HS6ST3: variants seen among roughly 807,000 people sequenced by gnomAD.
HS6ST3 encodes the protein heparan sulfate 6-O-sulfotransferase 3.
Under a neutral mutation model 36.7 loss-of-function variants are expected in HS6ST3, and 12 were observed. That is an observed-to-expected ratio of 0.33 (90% CI 0.21 to 0.53). The LOEUF is 0.53. Ranked by LOEUF, HS6ST3 falls within the 20% of genes least tolerant of loss-of-function variation. The pLI is 0.95. For synonymous variants in HS6ST3, 240 were observed against 257.5 expected, an observed-to-expected ratio of 0.93 and a Z score of 0.65; for missense variants, 584 against 640.9, an observed-to-expected ratio of 0.91 and a Z score of 0.96.
At chr13:96,157,146 G>A (rs773015053) in intron 1 of HS6ST3, among the ~76,000 whole-genome samples, 2 of 152,146 alleles carry the variant, frequency 1.3e-5, no homozygotes, top group East Asian at 1.9e-4. Context: ...GTCTTTAATC[G>A]CTAACCTACT....
At chr13:96,229,957 A>G (rs2054499802) in intron 1 of HS6ST3, among the ~76,000 whole-genome samples, 1 of 152,236 alleles carries the variant, frequency 6.6e-6, no homozygotes, top group Admixed American at 6.5e-5. Context: ...AGAAGTAACC[A>G]AGAAGAATAT....
At chr13:96,581,239 A>AT (rs1192646923) in intron 1 of HS6ST3, among the ~76,000 whole-genome samples, 1 of 128,988 alleles carries the variant, frequency 7.8e-6, no homozygotes, top group Non-Finnish European at 1.7e-5. Flanking sequence ...TTTTTTTTTG[A>AT]GACGGAGTCT....
intron 1 of HS6ST3, among the ~76,000 whole-genome samples, chr13:96,751,884 A>T (rs1876710551): frequency 6.6e-6 from 1 of 150,532 alleles, no homozygotes; most frequent in Non-Finnish European, 1.5e-5. Flanking sequence ...AAAAAAGTTT[A>T]TATATATATA....
At chr13:96,095,146 A>G (rs2053784175) in intron 1 of HS6ST3, among the ~76,000 whole-genome samples, 1 of 152,226 alleles carries the variant, frequency 6.6e-6, no homozygotes, top group Non-Finnish European at 1.5e-5. Context: ...CATTTTCATA[A>G]TTTATATTCA....
intron 1 of HS6ST3, among the ~76,000 whole-genome samples, chr13:96,248,110 T>C (rs1566300650): frequency 6.6e-6 from 1 of 152,192 alleles, no homozygotes; most frequent in African/African-American, 2.4e-5. Context: ...TAAACTCTCA[T>C]TATTCAAATA....
At chr13:96,159,178 A>G (rs1426505319) in intron 1 of HS6ST3, among the ~76,000 whole-genome samples, 1 of 152,138 alleles carries the variant, frequency 6.6e-6, no homozygotes, top group Non-Finnish European at 1.5e-5. Flanking sequence ...TGGGAGGGCA[A>G]GTTCCTCAAG....
chr13:96,658,282 T>C (rs1362186644), intron 1 of HS6ST3, among the ~76,000 whole-genome samples: 150 of 32,094 alleles, frequency 4.7e-3, no homozygotes, highest in Non-Finnish European at 8.8e-3. Context: ...TTTTTTTTTT[T>C]TTTTTTTTTT....
intron 1 of HS6ST3, among the ~76,000 whole-genome samples, chr13:96,489,800 G>A (rs1736501170): frequency 6.6e-6 from 1 of 152,096 alleles, no homozygotes; most frequent in Non-Finnish European, 1.5e-5. Flanking sequence ...ATTTGGAGCA[G>A]ATTTTGTTGA....
intron 1 of HS6ST3, among the ~76,000 whole-genome samples, chr13:96,414,674 G>A (rs2055524303): frequency 1.3e-5 from 2 of 152,136 alleles, no homozygotes; most frequent in African/African-American, 2.4e-5. Flanking sequence ...TAGAGATGGA[G>A]TTTTACCATG....
In HS6ST3 at chr13:96,330,076, C is replaced by G. The variant is rs796170126; in HGVS notation, c.707+238507C>G. ...CCTTTTATTTTGAGCCTATGTGTGT[C>G]TCTGCATGTGAGATGGGTTTCCTGA... On this transcript the variant is annotated intron_variant, in intron 1 of 1. Coordinates refer to ENST00000376705, the MANE Select transcript of HS6ST3 (RefSeq NM_153456.4). 5.1e-4 allele frequency among the ~76,000 whole-genome samples: 73 copies of G among 144,212 alleles called. 1 individual carries two copies. The highest frequency in any genetic ancestry group is 8.5e-4 in the Non-Finnish European group (56 of 65,800). The allele number at this position is 144,212 out of a possible 152,430, so 94.6% of individuals were successfully genotyped here. A position where few individuals can be genotyped will look rare whatever the true frequency, so the allele number is the denominator to read the frequency against.
At chr13:96,424,242 T>C (rs180965502) in intron 1 of HS6ST3, among the ~76,000 whole-genome samples, 14 of 113,566 alleles carry the variant, frequency 1.2e-4, no homozygotes, top group Admixed American at 1.2e-3. Flanking sequence ...TCACTTTTAT[T>C]TTAATGAAAC....
chr13:96,585,507 A>T (rs751406194), intron 1 of HS6ST3, among the ~76,000 whole-genome samples: 2 of 152,172 alleles, frequency 1.3e-5, no homozygotes, highest in African/African-American at 2.4e-5. Context: ...CAATAATACA[A>T]TATATAATTA....
At chr13:96,619,139 A>T (rs957852682) in intron 1 of HS6ST3, among the ~76,000 whole-genome samples, 2 of 152,204 alleles carry the variant, frequency 1.3e-5, no homozygotes, top group Non-Finnish European at 2.9e-5. Context: ...ATTGAACAGA[A>T]TATAGTCTTC....
At chr13:96,670,377 T>A (rs1408339408) in intron 1 of HS6ST3, among the ~76,000 whole-genome samples, 3 of 152,100 alleles carry the variant, frequency 2.0e-5, no homozygotes, top group African/African-American at 7.2e-5. Context: ...TATAGACATC[T>A]TTTTTGGGAG....
At position 96,320,560 on chromosome 13, in the gene HS6ST3, TCTTTG is replaced by T. The variant is rs1179901052; in HGVS notation, c.707+228992_707+228996del. Among the ~76,000 whole-genome samples the T allele has an allele frequency of 3.3e-5, 5 of 152,310 alleles. No individual in the cohort carries two copies. The East Asian group carries it at 5.8e-4, about 18-fold the overall frequency. On this transcript the variant is annotated intron_variant, in intron 1 of 1. Coordinates refer to ENST00000376705, the MANE Select transcript of HS6ST3 (RefSeq NM_153456.4). ...GAAGGCTTGAAAATGGGCCTTTCTA[TCTTTG>T]AGATTGGATTAAGATGACACTCACC...
intron 1 of HS6ST3, among the ~76,000 whole-genome samples, chr13:96,340,993 C>T (rs1438365465): frequency 6.6e-6 from 1 of 152,102 alleles, no homozygotes; most frequent in African/African-American, 2.4e-5. Context: ...CATTTATTCC[C>T]AAGTAGTCTT....
At chr13:96,736,173 G>A (rs746291245) in intron 1 of HS6ST3, among the ~76,000 whole-genome samples, 1 of 151,948 alleles carries the variant, frequency 6.6e-6, no homozygotes, top group African/African-American at 2.4e-5. Flanking sequence ...CCCATGACAC[G>A]TGTTTACCTA....
intron 1 of HS6ST3, among the ~76,000 whole-genome samples, chr13:96,718,070 C>T (rs1181652684): frequency 6.6e-6 from 1 of 152,162 alleles, no homozygotes; most frequent in African/African-American, 2.4e-5. Flanking sequence ...CAGCCTTCCA[C>T]AGCCAATGGA....
intron 1 of HS6ST3, among the ~76,000 whole-genome samples, chr13:96,687,920 G>A (rs558387319): frequency 6.6e-6 from 1 of 151,988 alleles, no homozygotes; most frequent in East Asian, 1.9e-4. Context: ...CTGTGAATGG[G>A]TTTGACTATC....
Sources: allele counts gnomAD v4.1 joint callset (sites outside exome capture counted in the v4.1 genomes callset), GRCh38; gene constraint gnomAD v4.1.1; transcripts MANE v1.5; gene names NCBI Gene and HGNC (gene_info 2026-07-23, HGNC 2026-07-21).